Variants in SAMD3 observed in about 807,000 individuals in gnomAD.
SAMD3 encodes the protein sterile alpha motif domain-containing protein 3.
A neutral mutation model predicts 58.5 loss-of-function variants in SAMD3; 63 were observed. The ratio of observed to expected loss-of-function variants is 1.08; its 90% confidence interval spans 0.88 to 1.33. The LOEUF is 1.33. Ranked by LOEUF, SAMD3 falls within the 40% of genes most tolerant of loss-of-function variation. The pLI is 0.00. For missense variants in SAMD3, 604 were observed against 608.4 expected (o/e 0.99, Z 0.08); for synonymous variants, 220 against 210.3 (o/e 1.05, Z -0.40).
At chr6:130,299,100 G>A (rs1775662946) in intron 2 of SAMD3, among the ~76,000 whole-genome samples, 1 of 152,088 alleles carries the variant, frequency 6.6e-6, no homozygotes, top group Non-Finnish European at 1.5e-5. Flanking sequence ...TTGGACTCTT[G>A]ACCAAATGGA....
intron 2 of SAMD3, among the ~76,000 whole-genome samples, chr6:130,287,086 T>C (rs1354616726): frequency 6.6e-6 from 1 of 152,226 alleles, no homozygotes; most frequent in African/African-American, 2.4e-5. Context: ...CCACATTTCT[T>C]ACCTATCGTT....
At chr6:130,328,201 A>G (rs1776815520) in intron 1 of SAMD3, among the ~76,000 whole-genome samples, 1 of 152,158 alleles carries the variant, frequency 6.6e-6, no homozygotes, top group African/African-American at 2.4e-5. Context: ...TGGTAAGCCT[A>G]TCGTGTGTTG....
intron 1 of SAMD3, among the ~76,000 whole-genome samples, chr6:130,343,315 T>A (rs1418696882): frequency 6.6e-6 from 1 of 152,086 alleles, no homozygotes; most frequent in African/African-American, 2.4e-5. Flanking sequence ...ATGAAAAGGA[T>A]GCTTTCTAGT....
At chr6:130,350,565 A>G (rs1364233687) in intron 1 of SAMD3, among the ~76,000 whole-genome samples, 1 of 152,204 alleles carries the variant, frequency 6.6e-6, no homozygotes, top group Non-Finnish European at 1.5e-5. Flanking sequence ...GCTCGATGAA[A>G]TAAAAGAGGA....
intron 9 of SAMD3, among the ~76,000 whole-genome samples, chr6:130,148,403 A>G (rs748223613): frequency 1.2e-4 from 19 of 152,194 alleles, no homozygotes; most frequent in Non-Finnish European, 2.1e-4. Flanking sequence ...CCCTCTTGGC[A>G]TGTCCTTATT....
intron 5 of SAMD3, among the ~76,000 whole-genome samples, chr6:130,187,259 A>G (rs1263549378): frequency 1.3e-5 from 2 of 152,178 alleles, no homozygotes; most frequent in Non-Finnish European, 2.9e-5. Context: ...CCAGTGTTAT[A>G]AAATAAAGCT....
At chr6:130,246,797 G>C (rs558577751) in intron 2 of SAMD3, among the ~76,000 whole-genome samples, 1 of 152,270 alleles carries the variant, frequency 6.6e-6, no homozygotes, top group African/African-American at 2.4e-5. Flanking sequence ...GCTAAGGCAG[G>C]AGAATGGTTT....
At chr6:130,184,323 G>T in intron 6 of SAMD3, 115 bp downstream of exon 6, 2 of 1,166,044 alleles carry the variant, frequency 1.7e-6, no homozygotes. Context: ...GGGCAATTGG[G>T]ACCTATTACC....
intron 7 of SAMD3, among the ~76,000 whole-genome samples, chr6:130,180,027 A>C (rs2326967): frequency 0.89 from 135,335 of 151,592 alleles, 60,570 homozygotes; most frequent in East Asian, 0.98. Context: ...GTTGGCCAGG[A>C]TGGTCTTGAA....
At chr6:130,207,173 GA>G (rs886600041) in intron 5 of SAMD3, among the ~76,000 whole-genome samples, 2 of 86,926 alleles carry the variant, frequency 2.3e-5, no homozygotes, top group Non-Finnish European at 2.6e-5. Flanking sequence ...AAAAAAAAAA[GA>G]AAAAAAAGAA....
intron 2 of SAMD3, among the ~76,000 whole-genome samples, chr6:130,233,488 T>G (rs1429150505): frequency 3.3e-5 from 5 of 152,146 alleles, no homozygotes; most frequent in African/African-American, 4.8e-5. Context: ...CTCCCAGCAG[T>G]CCAGCAATGT....
chr6:130,155,066 T>C (rs1789657423), intron 8 of SAMD3, 41 bp from the exon 9 acceptor site: 1 of 1,547,412 alleles, frequency 6.5e-7, no homozygotes, highest in African/African-American at 1.4e-5. Flanking sequence ...TCCATGTTTC[T>C]ATAAAAACTT....
intron 1 of SAMD3, among the ~76,000 whole-genome samples, chr6:130,346,213 AGACAGTGGGTGCAG>A (rs1777445288): frequency 2.0e-5 from 3 of 152,190 alleles, no homozygotes; most frequent in Admixed American, 6.5e-5. Flanking sequence ...GGGGAGTGTC[AGACAGTGGGTGCAG>A]GACAGTGGGT....
intron 1 of SAMD3, among the ~76,000 whole-genome samples, chr6:130,335,811 G>A (rs7765502): frequency 0.46 from 69,579 of 151,482 alleles, 18,893 homozygotes; most frequent in African/African-American, 0.76. Context: ...TGGCACATAT[G>A]CACCATGGAA....
chr6:130,344,825 C>CAA (rs56795907), intron 1 of SAMD3, among the ~76,000 whole-genome samples: 2,839 of 41,142 alleles, frequency 0.069, 218 homozygotes, highest in East Asian at 0.22. Context: ...ACAACAACAG[C>CAA]AAAAAAAAAA....
intron 2 of SAMD3, among the ~76,000 whole-genome samples, chr6:130,242,908 G>A (rs12205342): frequency 0.1 from 15,376 of 152,198 alleles, 1,011 homozygotes; most frequent in Admixed American, 0.15. Flanking sequence ...GCAAGTCTTG[G>A]GGTCAACAGC....
intron 2 of SAMD3, among the ~76,000 whole-genome samples, chr6:130,273,821 A>T (rs1286341310): frequency 6.6e-6 from 1 of 152,132 alleles, no homozygotes; most frequent in Non-Finnish European, 1.5e-5. Context: ...TATATTATTG[A>T]TGTCAAAATT....
chr6:130,354,921 A>T (rs750785466), intron 1 of SAMD3, among the ~76,000 whole-genome samples: 1 of 152,188 alleles, frequency 6.6e-6, no homozygotes, highest in Non-Finnish European at 1.5e-5. Context: ...AACCAGTGCT[A>T]AACTAAAAAA....
At position 130,270,998 on chromosome 6, in the gene SAMD3, T is replaced by G. The variant is rs74814300; in HGVS notation, c.-188+41980A>C. Among the ~76,000 whole-genome samples, 60 of 46,986 alleles carry G rather than the reference T, an allele frequency of 1.3e-3. No homozygotes were observed. In the African/African-American group the frequency reaches 0.02, roughly 15 times the overall value. The allele number at this position is 46,986 out of a possible 152,430, so 30.8% of individuals were successfully genotyped here. A position where few individuals can be genotyped will look rare whatever the true frequency, so the allele number is the denominator to read the frequency against. ...TTTGTACCCAATCTTGTTTTTTTTG[T>G]TTTTTTTTGTTTTTTTTTCCTTAGG... is the stretch of plus-strand genomic sequence containing the variant. On this transcript the variant is annotated intron_variant, in intron 2 of 13. Transcript: ENST00000368134.
Sources: allele counts gnomAD v4.1 joint callset (sites outside exome capture counted in the v4.1 genomes callset), GRCh38; gene constraint gnomAD v4.1.1; transcripts MANE v1.5; gene names NCBI Gene and HGNC (gene_info 2026-07-23, HGNC 2026-07-21).